The following DNAJC1 variants were observed in gnomAD, a reference collection of about 807,000 sequenced individuals.
The protein encoded by DNAJC1 is DnaJ heat shock protein family (Hsp40) member C1, also known as dnaJ homolog subfamily C member 1.
A neutral mutation model predicts 76.6 loss-of-function variants in DNAJC1; 58 were observed. The observed-to-expected ratio is 0.76, with a 90% CI of 0.61 to 0.94. The LOEUF is 0.94. Ranked by LOEUF, DNAJC1 falls within the 40% of genes least tolerant of loss-of-function variation. The pLI is 0.00. For synonymous variants in DNAJC1, 258 were observed against 267.9 expected, an observed-to-expected ratio of 0.96 and a Z score of 0.36; for missense variants, 689 against 677.3, an observed-to-expected ratio of 1.02 and a Z score of -0.19.
chr10:21,827,514 CT>C (rs995754864), intron 8 of DNAJC1, among the ~76,000 whole-genome samples: 62 of 152,256 alleles, frequency 4.1e-4, no homozygotes, highest in Admixed American at 1.8e-3. Context: ...GGGTTAGTTC[CT>C]TTTGGAGGCT....
intron 7 of DNAJC1, among the ~76,000 whole-genome samples, chr10:21,901,617 C>T (rs1374945165): frequency 1.3e-5 from 2 of 152,098 alleles, no homozygotes; most frequent in Non-Finnish European, 2.9e-5. Context: ...TTTCACTGCC[C>T]CCCATATCTA....
chr10:21,924,049 T>A (rs1284142817), intron 3 of DNAJC1, among the ~76,000 whole-genome samples: 3 of 152,064 alleles, frequency 2.0e-5, no homozygotes, highest in African/African-American at 4.8e-5. Context: ...TAATTTCCAC[T>A]TAGGTCACAT....
intron 8 of DNAJC1, among the ~76,000 whole-genome samples, chr10:21,848,528 C>T (rs1035257686): frequency 6.6e-6 from 1 of 152,106 alleles, no homozygotes; most frequent in Admixed American, 6.5e-5. Flanking sequence ...AGACCAATGT[C>T]CTGAAGTATT....
chr10:21,773,798 TATTA>T (rs1323283740), intron 9 of DNAJC1, among the ~76,000 whole-genome samples: 3 of 151,570 alleles, frequency 2.0e-5, no homozygotes, highest in Non-Finnish European at 4.4e-5. Flanking sequence ...TGTCCCTCTT[TATTA>T]ATTTTTTTTT....
intron 9 of DNAJC1, among the ~76,000 whole-genome samples, chr10:21,780,711 C>T (rs192875842): frequency 6.6e-6 from 1 of 152,312 alleles, no homozygotes; most frequent in African/African-American, 2.4e-5. Context: ...AACCAACTAA[C>T]ATCATAATGA....
chr10:21,883,721 G>C (rs1162566874), intron 7 of DNAJC1, among the ~76,000 whole-genome samples: 2 of 152,168 alleles, frequency 1.3e-5, no homozygotes, highest in Non-Finnish European at 2.9e-5. Flanking sequence ...TGATCATATG[G>C]CTAAGTGGAA....
intron 6 of DNAJC1, among the ~76,000 whole-genome samples, chr10:21,914,856 T>G (rs920675633): frequency 6.6e-6 from 1 of 152,202 alleles, no homozygotes; most frequent in Admixed American, 6.5e-5. Flanking sequence ...AGTTCAAGTG[T>G]TTACTCTTTT....
intron 1 of DNAJC1, among the ~76,000 whole-genome samples, chr10:21,975,020 A>G (rs1424482083): frequency 6.6e-6 from 1 of 152,142 alleles, no homozygotes; most frequent in Non-Finnish European, 1.5e-5. Context: ...ATATAAAATT[A>G]TGAAAATGGT....
chr10:21,804,462 T>G (rs984908548), intron 9 of DNAJC1, among the ~76,000 whole-genome samples: 32 of 152,034 alleles, frequency 2.1e-4, no homozygotes, highest in African/African-American at 7.7e-4. Context: ...TCATAGTACT[T>G]AAAACATCAA....
intron 8 of DNAJC1, among the ~76,000 whole-genome samples, chr10:21,828,397 G>C (rs1835298356): frequency 6.6e-6 from 1 of 152,096 alleles, no homozygotes; most frequent in Admixed American, 6.6e-5. Flanking sequence ...TTGAATAAAA[G>C]GAAATTAAGG....
intron 9 of DNAJC1, among the ~76,000 whole-genome samples, chr10:21,805,139 G>A (rs1172622618): frequency 6.6e-6 from 1 of 152,044 alleles, no homozygotes; most frequent in Admixed American, 6.6e-5. Context: ...GAATGGAAGG[G>A]GAAATTTAAA....
intron 1 of DNAJC1, among the ~76,000 whole-genome samples, chr10:21,981,931 T>C (rs1245684556): frequency 6.6e-6 from 1 of 152,126 alleles, no homozygotes; most frequent in Non-Finnish European, 1.5e-5. Flanking sequence ...ACCCTCAATA[T>C]ATCTGACCAA....
At chr10:21,958,782 A>T (rs1183119215) in intron 1 of DNAJC1, among the ~76,000 whole-genome samples, 3 of 152,032 alleles carry the variant, frequency 2.0e-5, no homozygotes, top group Admixed American at 6.5e-5. Flanking sequence ...TTTTTCTGAT[A>T]TATTTAAACG....
At chr10:21,770,395 C>CTTT (rs34881959) in intron 9 of DNAJC1, among the ~76,000 whole-genome samples, 250 of 107,478 alleles carry the variant, frequency 2.3e-3, no homozygotes, top group East Asian at 4.0e-3. Flanking sequence ...TTTTTTTCTT[C>CTTT]TTTTTTTTTT....
chr10:21,771,977 GCTGAAGTACAGTGGTGTGATCAAAGCTCA>G (rs1311513959), intron 9 of DNAJC1, among the ~76,000 whole-genome samples: 1 of 152,074 alleles, frequency 6.6e-6, no homozygotes, highest in East Asian at 1.9e-4. Flanking sequence ...CTTCACCCAG[GCTGAAGTACAGTGGTGTGATCAAAGCTCA>G]CTGCATCCTT....
Position 21,938,836 on chromosome 10 carries a change from G to C in DNAJC1, c.223-9695C>G, listed in dbSNP as rs557126831. Among the ~76,000 whole-genome samples the C allele has an allele frequency of 3.4e-4, 52 of 152,294 alleles. 1 individual carries two copies. Among genetic ancestry groups the C allele is most frequent in the African/African-American group, 1.2e-3 (51 of 41,566 alleles). On this transcript the variant is annotated intron_variant, in intron 1 of 11. Transcript: ENST00000376980. ...TAGTTAACCAAAACCAAAACCAAAA[G>C]ATCTTATCCAGGATCTGACCAAAGG... is the stretch of plus-strand genomic sequence containing the variant.
intron 8 of DNAJC1, among the ~76,000 whole-genome samples, chr10:21,836,217 A>G (rs904082462): frequency 2.0e-5 from 3 of 152,214 alleles, no homozygotes; most frequent in Non-Finnish European, 4.4e-5. Flanking sequence ...TTTCATATCC[A>G]GCCAAACTAA....
At chr10:21,926,891 A>C (rs1444073184) in intron 3 of DNAJC1, among the ~76,000 whole-genome samples, 1 of 152,242 alleles carries the variant, frequency 6.6e-6, no homozygotes, top group Non-Finnish European at 1.5e-5. Context: ...AACAATTTAT[A>C]TATGAGAAGT....
chr10:21,786,564 C>T (rs1834614200), intron 9 of DNAJC1, among the ~76,000 whole-genome samples: 1 of 150,450 alleles, frequency 6.6e-6, no homozygotes, highest in South Asian at 2.1e-4. Context: ...TGGCTCACTG[C>T]AGCCTCTGCC....
Sources: allele counts gnomAD v4.1 joint callset (sites outside exome capture counted in the v4.1 genomes callset), GRCh38; gene constraint gnomAD v4.1.1; transcripts MANE v1.5; gene names NCBI Gene and HGNC (gene_info 2026-07-23, HGNC 2026-07-21).